RGSL1: variants seen among roughly 807,000 people sequenced by gnomAD.
RGSL1 encodes regulator of G protein signaling like 1, also known as regulator of G protein signaling protein-like.
RGSL1 carries 97 observed loss-of-function variants against 124.7 expected under a neutral mutation model. The observed-to-expected ratio is 0.78, with a 90% CI of 0.66 to 0.92. The LOEUF (loss-of-function observed/expected upper bound fraction) is 0.92, where lower values mean the gene tolerates loss of function less well. Ranked by LOEUF, RGSL1 falls within the 40% of genes least tolerant of loss-of-function variation. RGSL1 has a pLI of 0.00. For missense variants in RGSL1, 1,233 were observed against 1,288.4 expected (o/e 0.96, Z 0.66); for synonymous variants, 424 against 438.1 (o/e 0.97, Z 0.40).
At chr1:182,506,034 T>A (rs1338157042) in intron 9 of RGSL1, among the ~76,000 whole-genome samples, 1 of 152,340 alleles carries the variant, frequency 6.6e-6, no homozygotes, top group East Asian at 1.9e-4. Context: ...GATGTGGCAT[T>A]ACATTGAGAC....
At position 182,528,535 on chromosome 1, in the gene RGSL1, G is replaced by T. The variant is rs116527139; in HGVS notation, c.2125+763G>T. The stretch of plus-strand genomic sequence containing the variant: ...TAGATACAATAGAGATACAGGCATT[G>T]GGTTAATACACCCATTCCAAAAGGG... On this transcript the variant is annotated intron_variant, in intron 11 of 21. Coordinates refer to ENST00000294854, the MANE Select transcript of RGSL1 (RefSeq NM_001137669.2). Among the ~76,000 whole-genome samples, 964 of 152,298 alleles carry T rather than the reference G, an allele frequency of 6.3e-3. 4 individuals carry two copies. The highest frequency in any genetic ancestry group is 0.022 in the African/African-American group (918 of 41,566).
At chr1:182,539,399 A>G (rs186807289) in intron 14 of RGSL1, among the ~76,000 whole-genome samples, 1 of 152,304 alleles carries the variant, frequency 6.6e-6, no homozygotes, top group African/African-American at 2.4e-5. Context: ...GACAAGTGCT[A>G]GGTATTTATG....
At chr1:182,551,605 T>C (rs182564972) in intron 18 of RGSL1, among the ~76,000 whole-genome samples, 2 of 152,346 alleles carry the variant, frequency 1.3e-5, no homozygotes, top group African/African-American at 4.8e-5. Flanking sequence ...TATATATAGT[T>C]TTAATGTGAT....
intron 6 of RGSL1, among the ~76,000 whole-genome samples, chr1:182,476,762 C>T (rs533867418): frequency 1.1e-3 from 172 of 152,260 alleles, no homozygotes; most frequent in Admixed American, 1.8e-3. Context: ...TGCATGCCAC[C>T]TCTCCTCTCT....
At chr1:182,552,011 G>A (rs1660593144) in intron 18 of RGSL1, among the ~76,000 whole-genome samples, 3 of 152,100 alleles carry the variant, frequency 2.0e-5, no homozygotes, top group South Asian at 4.2e-4. Flanking sequence ...TTTGGTTTGT[G>A]TAAGTACATT....
At chr1:182,523,976 T>C (rs1221613593) in intron 10 of RGSL1, among the ~76,000 whole-genome samples, 1 of 152,164 alleles carries the variant, frequency 6.6e-6, no homozygotes, top group Non-Finnish European at 1.5e-5. Flanking sequence ...ATTAGAGTAT[T>C]TTGTAGGTAG....
rs529152749 is a variant in RGSL1, at chr1:182,546,475, C to A, written c.2670-1842C>A. ...GTGGCACCATCTTGGCTCACTTAAACCTCCACCTCCTGGGTTCAAGCGATT... is the reference window on the plus strand; with the variant it reads ...GTGGCACCATCTTGGCTCACTTAAAACTCCACCTCCTGGGTTCAAGCGATT... On this transcript the variant is annotated intron_variant, in intron 15 of 21. Transcript: ENST00000294854. Among the ~76,000 whole-genome samples, 21 of 152,240 alleles carry A rather than the reference C, an allele frequency of 1.4e-4. No individual in the cohort carries two copies. In the South Asian group the frequency reaches 3.3e-3, roughly 24 times the overall value.
chr1:182,495,906 A>C (rs1187112484), intron 9 of RGSL1, among the ~76,000 whole-genome samples: 3 of 152,192 alleles, frequency 2.0e-5, no homozygotes, highest in African/African-American at 7.2e-5. Context: ...TTTACATTTT[A>C]TGATGAATTA....
intron 4 of RGSL1, among the ~76,000 whole-genome samples, chr1:182,469,886 A>T (rs923505255): frequency 2.0e-5 from 3 of 152,204 alleles, no homozygotes. Flanking sequence ...AAGACATGCT[A>T]ATTGAAGTAA....
At chr1:182,501,154 T>C (rs571289543) in intron 9 of RGSL1, among the ~76,000 whole-genome samples, 1 of 152,242 alleles carries the variant, frequency 6.6e-6, no homozygotes, top group South Asian at 2.1e-4. Context: ...GAGGATGTTC[T>C]CTTCTATTTC....
At chr1:182,543,671 C>T (rs372654401) in intron 15 of RGSL1, among the ~76,000 whole-genome samples, 1 of 152,006 alleles carries the variant, frequency 6.6e-6, no homozygotes, top group East Asian at 1.9e-4. Flanking sequence ...CAGGTCCTGG[C>T]ATTTTCTTTG....
intron 18 of RGSL1, 28 bp downstream of exon 18, chr1:182,551,237 A>T: frequency 6.6e-7 from 1 of 1,507,200 alleles, no homozygotes; most frequent in Non-Finnish European, 9.0e-7. Context: ...TCACAGCCCC[A>T]TTCTCCAGCA....
chr1:182,493,897 G>T (rs1369286110), intron 9 of RGSL1, among the ~76,000 whole-genome samples: 1 of 152,120 alleles, frequency 6.6e-6, no homozygotes, highest in Non-Finnish European at 1.5e-5. Context: ...ACCTCATCTT[G>T]GAGTAGCTCC....
At chr1:182,449,734 C>A (rs898252217), upstream of RGSL1, among the ~76,000 whole-genome samples, 1 of 152,146 alleles carries the variant, frequency 6.6e-6, no homozygotes, top group African/African-American at 2.4e-5. Context: ...TGGGCTGAAG[C>A]AATGGAGGTT....
intron 14 of RGSL1, among the ~76,000 whole-genome samples, chr1:182,535,721 CAA>C (rs1030536068): frequency 5.9e-5 from 9 of 152,300 alleles, no homozygotes; most frequent in South Asian, 2.1e-4. Flanking sequence ...CAAAAATCCT[CAA>C]GAGTTATGCA....
chr1:182,471,252 C>G (rs1653811567), intron 4 of RGSL1: 1 of 457,378 alleles, frequency 2.2e-6, no homozygotes, highest in African/African-American at 2.0e-5. Flanking sequence ...AGTTCATTCT[C>G]CCTCTCTTAT....
intron 10 of RGSL1, among the ~76,000 whole-genome samples, chr1:182,523,447 G>T (rs1312932839): frequency 6.6e-6 from 1 of 152,084 alleles, no homozygotes; most frequent in African/African-American, 2.4e-5. Flanking sequence ...ATTCTCTGAG[G>T]TTCAATCATT....
chr1:182,499,250 G>A (rs529085191), intron 9 of RGSL1, among the ~76,000 whole-genome samples: 2 of 152,170 alleles, frequency 1.3e-5, no homozygotes, highest in Non-Finnish European at 2.9e-5. Flanking sequence ...CTGCCTCAAA[G>A]TTCTAATACC....
chr1:182,470,788 A>G (rs909722426), intron 4 of RGSL1, among the ~76,000 whole-genome samples: 3 of 152,214 alleles, frequency 2.0e-5, no homozygotes, highest in Non-Finnish European at 4.4e-5. Context: ...ACATGTACTG[A>G]AAGAATGAAT....
Sources: gnomAD v4.1 joint callset for allele counts (sites outside exome capture counted in the v4.1 genomes callset) on GRCh38, gnomAD v4.1.1 for gene constraint, MANE v1.5 for transcripts, NCBI Gene and HGNC (gene_info 2026-07-23, HGNC 2026-07-21) for gene names.